The following RETREG1 variants were observed in gnomAD, a reference collection of about 807,000 sequenced individuals.
RETREG1 encodes family with sequence similarity 134 member B.
Under a neutral mutation model 54.8 loss-of-function variants are expected in RETREG1, and 44 were observed. The ratio of observed to expected loss-of-function variants is 0.80; its 90% CI spans 0.63 to 1.03. The LOEUF is 1.03. Ranked by LOEUF, RETREG1 falls within the 50% of genes least tolerant of loss-of-function variation. RETREG1 has a pLI of 0.00. For synonymous variants in RETREG1, 217 were observed against 238.5 expected, an observed-to-expected ratio of 0.91 and a Z score of 0.83; for missense variants, 554 against 605.1, an observed-to-expected ratio of 0.92 and a Z score of 0.89.
At chr5:16,525,051 C>T (rs377590937) in intron 3 of RETREG1, among the ~76,000 whole-genome samples, 3 of 152,004 alleles carry the variant, frequency 2.0e-5, no homozygotes, top group African/African-American at 7.3e-5. Flanking sequence ...TGTCCTCCGG[C>T]TCCTGCAGGT....
chr5:16,566,185 G>C lies in RETREG1; in HGVS notation c.428-392C>G, dbSNP rs143226195. ...ACACACCATGTGAGTTCAGGGAAGA[G>C]AGAAAATGCAGCTGCTCAAAAAGCG... On this transcript the variant is annotated intron_variant, in intron 2 of 8. Coordinates refer to ENST00000306320, the MANE Select transcript of RETREG1 (RefSeq NM_001034850.3). Among the ~76,000 whole-genome samples, 892 of 152,278 alleles carry C rather than the reference G, an allele frequency of 5.9e-3. 6 individuals are homozygous for C. The highest frequency in any genetic ancestry group is 0.021 in the African/African-American group (853 of 41,570).
At chr5:16,548,905 G>A (rs1050718435) in intron 3 of RETREG1, among the ~76,000 whole-genome samples, 2 of 152,174 alleles carry the variant, frequency 1.3e-5, no homozygotes, top group African/African-American at 2.4e-5. Context: ...ATTCTGTTAC[G>A]GCTGCCTGAG....
chr5:16,521,529 T>C (rs973321578), intron 3 of RETREG1, among the ~76,000 whole-genome samples: 2 of 152,250 alleles, frequency 1.3e-5, no homozygotes, highest in South Asian at 4.1e-4. Flanking sequence ...AAAAGAGCTC[T>C]GGCTCAAGTC....
chr5:16,498,170 G>A (rs1045830769), intron 3 of RETREG1, among the ~76,000 whole-genome samples: 3 of 152,104 alleles, frequency 2.0e-5, no homozygotes, highest in African/African-American at 7.2e-5. Context: ...TTACCAATGG[G>A]GATATGTTCT....
chr5:16,603,264 C>T (rs1486317021), intron 1 of RETREG1, among the ~76,000 whole-genome samples: 1 of 152,154 alleles, frequency 6.6e-6, no homozygotes, highest in East Asian at 1.9e-4. Flanking sequence ...GTAATTGCAG[C>T]TTTCATTTTT....
intron 1 of RETREG1, among the ~76,000 whole-genome samples, chr5:16,586,060 GA>G (rs1233504609): frequency 1.3e-5 from 2 of 152,120 alleles, no homozygotes; most frequent in African/African-American, 4.8e-5. Flanking sequence ...TTCAGTCATA[GA>G]AAGGAGCTAT....
At chr5:16,539,247 T>C (rs530584746) in intron 3 of RETREG1, among the ~76,000 whole-genome samples, 99 of 152,280 alleles carry the variant, frequency 6.5e-4, no homozygotes, top group African/African-American at 2.4e-3. Flanking sequence ...CAGATGAGCC[T>C]GGAGGAAATA....
chr5:16,581,752 A>ACT (rs1554023558), intron 1 of RETREG1, among the ~76,000 whole-genome samples: 3 of 151,690 alleles, frequency 2.0e-5, no homozygotes, highest in East Asian at 1.9e-4. Context: ...AAAGAAAAAA[A>ACT]ACGATACATT....
At chr5:16,519,298 G>A (rs1740455137) in intron 3 of RETREG1, among the ~76,000 whole-genome samples, 1 of 152,142 alleles carries the variant, frequency 6.6e-6, no homozygotes, top group Non-Finnish European at 1.5e-5. Context: ...ATCTTAATAA[G>A]TAAAAGATAC....
intron 3 of RETREG1, 61 bp from the exon 4 acceptor site, chr5:16,483,533 GGCTTTGGCA>G (rs2126521216): frequency 6.3e-7 from 1 of 1,576,712 alleles, no homozygotes; most frequent in Non-Finnish European, 8.7e-7. Flanking sequence ...CAACATTTAT[GGCTTTGGCA>G]AATATTTATT....
intron 3 of RETREG1, among the ~76,000 whole-genome samples, chr5:16,506,567 G>A (rs144433820): frequency 1.3e-5 from 2 of 149,722 alleles, no homozygotes; most frequent in South Asian, 2.1e-4. Context: ...TCCACCTCCC[G>A]GGCTCAGGTG....
rs1013845992 is a variant in RETREG1 at position 16,594,140 on chromosome 5, A to G, written c.321-22038T>C. ...TACACACAGCAGAGATTTGATGGGC[A>G]CCATCGGAAACAAAAGCTGGCATGT... On this transcript the variant is annotated intron_variant, in intron 1 of 8. Coordinates refer to ENST00000306320, the MANE Select transcript of RETREG1 (RefSeq NM_001034850.3). This position sits in a 1 kb window ranked among gnomAD's most constrained non-coding sequence, Gnocchi z 4.4. Among the ~76,000 whole-genome samples, 3 of 152,254 alleles carry G rather than the reference A, an allele frequency of 2.0e-5. No individual in the cohort carries two copies. Among genetic ancestry groups the G allele is most frequent in the African/African-American group, 7.2e-5 (3 of 41,472 alleles).
At chr5:16,610,736 A>G (rs1028381618) in intron 1 of RETREG1, among the ~76,000 whole-genome samples, 5 of 152,190 alleles carry the variant, frequency 3.3e-5, no homozygotes. Flanking sequence ...GAATGGCGAT[A>G]ATTAAAAAGT....
intron 3 of RETREG1, among the ~76,000 whole-genome samples, chr5:16,552,086 G>A (rs1262431491): frequency 6.6e-6 from 1 of 152,226 alleles, no homozygotes; most frequent in Non-Finnish European, 1.5e-5. Flanking sequence ...CTGAGGTCAT[G>A]TATTCACAGG....
intron 1 of RETREG1, among the ~76,000 whole-genome samples, chr5:16,611,283 T>C (rs1255508459): frequency 1.3e-5 from 2 of 151,940 alleles, no homozygotes; most frequent in Non-Finnish European, 2.9e-5. Flanking sequence ...AGGGATAGCA[T>C]TAGGAGATAC....
rs148477600 is a variant in RETREG1, at chr5:16,521,012, C to T, written c.459-37540G>A. Among the ~76,000 whole-genome samples, 121 of 152,250 alleles carry T rather than the reference C, an allele frequency of 7.9e-4. 1 individual carries two copies. The Middle Eastern group carries it at 0.01, about 13-fold the overall frequency. ...CTCAGACCTCACGCCTCACCCAGGGCCACTGACTTGTTCTGCGTTGAGTCC... is the reference window on the plus strand; with the variant it reads ...CTCAGACCTCACGCCTCACCCAGGGTCACTGACTTGTTCTGCGTTGAGTCC... On this transcript the variant is annotated intron_variant, in intron 3 of 8. Transcript: ENST00000306320.
At chr5:16,498,677 A>T (rs543987159) in intron 3 of RETREG1, among the ~76,000 whole-genome samples, 41 of 152,276 alleles carry the variant, frequency 2.7e-4, no homozygotes, top group African/African-American at 9.4e-4. Context: ...GTGCCACTGC[A>T]CTCCAGCCTG....
At chr5:16,546,209 C>G (rs1312244991) in intron 3 of RETREG1, among the ~76,000 whole-genome samples, 1 of 152,102 alleles carries the variant, frequency 6.6e-6, no homozygotes, top group African/African-American at 2.4e-5. Context: ...TCTCTGTTGC[C>G]TAGGCTGGAG....
At chr5:16,557,841 T>G (rs1741751042) in intron 3 of RETREG1, among the ~76,000 whole-genome samples, 1 of 152,134 alleles carries the variant, frequency 6.6e-6, no homozygotes, top group African/African-American at 2.4e-5. Context: ...GCTTTTTTAA[T>G]TTAATCTAAT....
Sources: allele counts gnomAD v4.1 joint callset (sites outside exome capture counted in the v4.1 genomes callset), GRCh38; gene constraint gnomAD v4.1.1; non-coding constraint Gnocchi (gnomAD v3.1); transcripts MANE v1.5; gene names NCBI Gene and HGNC (gene_info 2026-07-23, HGNC 2026-07-21).